Variants in IMMP2L observed in about 807,000 individuals in gnomAD.
IMMP2L encodes the protein inner mitochondrial membrane peptidase subunit 2.
In IMMP2L, 18 loss-of-function variants were observed where a neutral mutation model predicts 19.3. That is an observed-to-expected ratio of 0.93 (90% confidence interval 0.64 to 1.38). The LOEUF is 1.38. IMMP2L is among the 40% of genes most tolerant of loss of function. IMMP2L has a pLI of 0.00. For synonymous variants in IMMP2L, 76 were observed against 73.0 expected (o/e 1.04, Z -0.21); for missense variants, 233 against 218.2 (o/e 1.07, Z -0.43).
At chr7:110,761,578 T>G (rs1798351375) in intron 5 of IMMP2L, among the ~76,000 whole-genome samples, 1 of 152,162 alleles carries the variant, frequency 6.6e-6, no homozygotes, top group Non-Finnish European at 1.5e-5. Flanking sequence ...GATTTTAAAT[T>G]TTTATGAAAA....
intron 2 of IMMP2L, among the ~76,000 whole-genome samples, chr7:111,499,161 C>T (rs535484366): frequency 6.6e-6 from 1 of 152,216 alleles, no homozygotes; most frequent in East Asian, 1.9e-4. Flanking sequence ...AAAACTCCCT[C>T]GTGTAAGCAT....
intron 5 of IMMP2L, chr7:110,725,667 C>G (rs1169738424): frequency 6.6e-6 from 1 of 152,144 alleles, no homozygotes; most frequent in Non-Finnish European, 1.5e-5. Flanking sequence ...GAAATAATCA[C>G]TTGCTAATGG....
At chr7:111,343,527 C>T (rs1296062263) in intron 3 of IMMP2L, among the ~76,000 whole-genome samples, 1 of 152,048 alleles carries the variant, frequency 6.6e-6, no homozygotes. Context: ...CCGGCGCACC[C>T]AGTGCTTCAC....
intron 3 of IMMP2L, among the ~76,000 whole-genome samples, chr7:111,293,550 C>T (rs762653335): frequency 3.4e-4 from 52 of 151,480 alleles, no homozygotes; most frequent in Middle Eastern, 3.4e-3. Context: ...AAAGCACTTA[C>T]GGATATGCTT....
At chr7:110,729,465 G>A (rs1796109443) in intron 5 of IMMP2L, among the ~76,000 whole-genome samples, 2 of 152,156 alleles carry the variant, frequency 1.3e-5, no homozygotes, top group Admixed American at 1.3e-4. Flanking sequence ...CCATAATTCA[G>A]TCACCTCCCA....
chr7:111,315,404 T>C (rs545731631), intron 3 of IMMP2L, among the ~76,000 whole-genome samples: 45 of 151,812 alleles, frequency 3.0e-4, no homozygotes, highest in African/African-American at 1.1e-3. Flanking sequence ...CAGTAGCCTA[T>C]GAGTCCCTTA....
chr7:111,242,739 G>A (rs1739451052), intron 3 of IMMP2L, among the ~76,000 whole-genome samples: 1 of 151,652 alleles, frequency 6.6e-6, no homozygotes, highest in Non-Finnish European at 1.5e-5. Flanking sequence ...AAAGCCTATG[G>A]CACAACTAGA....
At chr7:110,819,616 T>C (rs1035870207) in intron 5 of IMMP2L, among the ~76,000 whole-genome samples, 15 of 152,100 alleles carry the variant, frequency 9.9e-5, no homozygotes, top group African/African-American at 3.6e-4. Context: ...GTACTCACTA[T>C]GAATTTCTTA....
At chr7:111,406,652 G>A (rs954852682) in intron 3 of IMMP2L, among the ~76,000 whole-genome samples, 1 of 151,970 alleles carries the variant, frequency 6.6e-6, no homozygotes, top group African/African-American at 2.4e-5. Flanking sequence ...ACTTATCTAG[G>A]TGGTTTAATT....
chr7:110,756,652 A>T (rs990553662), intron 5 of IMMP2L, among the ~76,000 whole-genome samples: 15 of 152,166 alleles, frequency 9.9e-5, no homozygotes, highest in Non-Finnish European at 1.5e-5. Context: ...TAAACCTTAC[A>T]AAACTTTAAA....
intron 3 of IMMP2L, among the ~76,000 whole-genome samples, chr7:111,241,721 T>C (rs1014573592): frequency 2.0e-5 from 3 of 151,154 alleles, no homozygotes; most frequent in Non-Finnish European, 4.4e-5. Context: ...TATATAAGTA[T>C]AAAGTGTGTA....
intron 5 of IMMP2L, among the ~76,000 whole-genome samples, chr7:110,791,671 C>T (rs1800468208): frequency 6.6e-6 from 1 of 151,750 alleles, no homozygotes; most frequent in East Asian, 1.9e-4. Flanking sequence ...GAACATGACT[C>T]AGAGGTACCA....
In IMMP2L at chr7:111,124,155, T is replaced by C. The variant is rs757124523; in HGVS notation, c.240-160590A>G. On this transcript the variant is annotated intron_variant, in intron 3 of 5. Coordinates refer to ENST00000405709, the MANE Select transcript of IMMP2L (RefSeq NM_032549.4). ...AAATCTACTGGATAACACCTTCTGGTCAAAAACTCTTGCCTAATACCCTGA... is the reference window on the plus strand; with the variant it reads ...AAATCTACTGGATAACACCTTCTGGCCAAAAACTCTTGCCTAATACCCTGA... 2.5e-6 allele frequency: 4 copies of C among 1,613,798 alleles called. No homozygotes were observed. In the African/African-American group the frequency reaches 5.3e-5, roughly 22 times the overall value.
intron 3 of IMMP2L, among the ~76,000 whole-genome samples, chr7:111,211,425 G>T (rs778862957): frequency 6.6e-6 from 1 of 152,098 alleles, no homozygotes; most frequent in Non-Finnish European, 1.5e-5. Flanking sequence ...AAAGCATGCC[G>T]CAATTCAATG....
chr7:111,527,916 A>G (rs574419944), intron 1 of IMMP2L, among the ~76,000 whole-genome samples: 1 of 151,810 alleles, frequency 6.6e-6, no homozygotes, highest in Non-Finnish European at 1.5e-5. Flanking sequence ...CTACCCTGGA[A>G]ACAAGGTACA....
At chr7:111,358,202 C>G (rs921809717) in intron 3 of IMMP2L, among the ~76,000 whole-genome samples, 1 of 150,082 alleles carries the variant, frequency 6.7e-6, no homozygotes, top group Non-Finnish European at 1.5e-5. Flanking sequence ...ACTACTCTTT[C>G]ACGTTTCCTC....
intron 3 of IMMP2L, among the ~76,000 whole-genome samples, chr7:111,020,920 T>C (rs758821131): frequency 1.7e-4 from 26 of 152,188 alleles, no homozygotes; most frequent in Non-Finnish European, 3.2e-4. Context: ...TTCAAAGGGA[T>C]CTAAAAAAAG....
At chr7:110,826,830 G>C (rs897535822) in intron 5 of IMMP2L, among the ~76,000 whole-genome samples, 13 of 150,918 alleles carry the variant, frequency 8.6e-5, no homozygotes, top group African/African-American at 3.2e-4. Flanking sequence ...AGAACTTAAA[G>C]TATATTAAAA....
chr7:111,273,502 T>C (rs1363414620), intron 3 of IMMP2L, among the ~76,000 whole-genome samples: 2 of 151,966 alleles, frequency 1.3e-5, no homozygotes, highest in Non-Finnish European at 2.9e-5. Context: ...ATAAAGGAAG[T>C]GGCCGGATAT....
Sources: gnomAD v4.1 joint callset for allele counts (sites outside exome capture counted in the v4.1 genomes callset) on GRCh38, gnomAD v4.1.1 for gene constraint, MANE v1.5 for transcripts, NCBI Gene and HGNC (gene_info 2026-07-23, HGNC 2026-07-21) for gene names.